SNCAIP: variants seen among roughly 807,000 people sequenced by gnomAD.
SNCAIP encodes the protein synuclein alpha interacting protein, also known as synphilin-1.
Under a neutral mutation model 86.7 loss-of-function variants are expected in SNCAIP, and 43 were observed. That is an observed-to-expected ratio of 0.50 (90% confidence interval 0.39 to 0.64). The LOEUF (loss-of-function observed/expected upper bound fraction) is 0.64. Ranked by LOEUF, SNCAIP falls within the 30% of genes least tolerant of loss-of-function variation. SNCAIP has a pLI of 0.00. For missense variants in SNCAIP, 981 were observed against 1,103.1 expected, an observed-to-expected ratio of 0.89 and a Z score of 1.57; for synonymous variants, 417 against 427.2, an observed-to-expected ratio of 0.98 and a Z score of 0.29.
chr5:122,379,989 G>A (rs1471327475), intron 1 of SNCAIP, among the ~76,000 whole-genome samples: 5 of 151,924 alleles, frequency 3.3e-5, no homozygotes, highest in South Asian at 2.1e-4. Flanking sequence ...AAGGGTATTG[G>A]TCTAAAATTC....
chr5:122,440,877 A>T, intron 7 of SNCAIP, 123 bp downstream of exon 7: 1 of 902,064 alleles, frequency 1.1e-6, no homozygotes, highest in South Asian at 1.4e-5. Flanking sequence ...CGTAGACAAT[A>T]AGGAATTATT....
chr5:122,413,862 G>A (rs1774676577), intron 3 of SNCAIP, among the ~76,000 whole-genome samples: 1 of 152,164 alleles, frequency 6.6e-6, no homozygotes, highest in Non-Finnish European at 1.5e-5. Flanking sequence ...AAAATAAAGA[G>A]GAAGAAAACC....
intron 1 of SNCAIP, among the ~76,000 whole-genome samples, chr5:122,366,085 T>C (rs1054261471): frequency 6.6e-6 from 1 of 152,148 alleles, no homozygotes; most frequent in African/African-American, 2.4e-5. Flanking sequence ...ATTCTAAATA[T>C]TTTATACAGA....
chr5:122,392,497 C>G (rs1279384579), intron 2 of SNCAIP, among the ~76,000 whole-genome samples: 2 of 152,074 alleles, frequency 1.3e-5, no homozygotes, highest in African/African-American at 4.8e-5. Context: ...ATGATCACTC[C>G]CCTCACAGCC....
Position 122,451,135 on chromosome 5 carries a change from A to T in SNCAIP, c.2288A>T (p.Tyr763Phe). 1 of 1,614,140 alleles carries T rather than the reference A, an allele frequency of 6.2e-7. No homozygotes were observed. Among genetic ancestry groups the T allele is most frequent in the Non-Finnish European group, 8.5e-7 (1 of 1,180,006 alleles). Reference protein sequence around the residue: ...ESSEPDLESQYPGSGSIPPNQ... With the variant: ...ESSEPDLESQFPGSGSIPPNQ... Reference sequence around the variant, plus strand: ...AGCGAACCAGACTTAGAATCCCAGTATCCAGGCTCAGGGAGTATTCCTCCA... The same window carrying T: ...AGCGAACCAGACTTAGAATCCCAGTTTCCAGGCTCAGGGAGTATTCCTCCA... Residue 763 changes from tyrosine to phenylalanine, a missense_variant, in exon 10 of 11, where the codon TAT (tyrosine) becomes TTT (phenylalanine). Physicochemically the swap from Tyr to Phe is conservative, Grantham distance 22 (BLOSUM62 3). Coordinates refer to ENST00000261368, the MANE Select transcript of SNCAIP (RefSeq NM_005460.4).
intron 4 of SNCAIP, 111 bp downstream of exon 4, chr5:122,423,850 TCTTTA>T: frequency 1.0e-6 from 1 of 983,856 alleles, no homozygotes; most frequent in South Asian, 1.6e-5. Context: ...TTTTACTTAA[TCTTTA>T]CTTGTGGCTT....
chr5:122,435,621 T>C (rs532548752), intron 6 of SNCAIP, among the ~76,000 whole-genome samples: 1 of 140,190 alleles, frequency 7.1e-6, no homozygotes, highest in South Asian at 2.3e-4. Context: ...TACACTGTTT[T>C]TATTATTTTC....
At chr5:122,425,749 G>A (rs1398837560) in intron 5 of SNCAIP, among the ~76,000 whole-genome samples, 1 of 152,170 alleles carries the variant, frequency 6.6e-6, no homozygotes, top group Non-Finnish European at 1.5e-5. Context: ...TAAAGAGAAA[G>A]GAAAATGATA....
intron 1 of SNCAIP, among the ~76,000 whole-genome samples, chr5:122,373,455 A>C (rs1426360740): frequency 6.6e-6 from 1 of 152,122 alleles, no homozygotes; most frequent in Non-Finnish European, 1.5e-5. Context: ...GTATTCCAAA[A>C]GCCTAGTGAC....
At chr5:122,392,298 C>A (rs17149122) in intron 2 of SNCAIP, among the ~76,000 whole-genome samples, 19,672 of 151,968 alleles carry the variant, frequency 0.13, 1,352 homozygotes, top group South Asian at 0.24. Flanking sequence ...CCTATTTCAG[C>A]TTCCAGACAA....
chr5:122,313,084 G>A (rs1246871694), intron 1 of SNCAIP, among the ~76,000 whole-genome samples: 1 of 152,264 alleles, frequency 6.6e-6, no homozygotes, highest in Non-Finnish European at 1.5e-5. Context: ...TGCTTGCAGC[G>A]AAGAAAGTCT....
chr5:122,422,088 C>G (rs917908987), intron 3 of SNCAIP, among the ~76,000 whole-genome samples: 1 of 150,750 alleles, frequency 6.6e-6, no homozygotes, highest in Non-Finnish European at 1.5e-5. Flanking sequence ...TTCCAGCCTT[C>G]TCAACAATGG....
chr5:122,380,881 T>A (rs1031545137), intron 1 of SNCAIP, among the ~76,000 whole-genome samples: 1 of 152,060 alleles, frequency 6.6e-6, no homozygotes, highest in African/African-American at 2.4e-5. Flanking sequence ...TGAGTTCTAG[T>A]TTGATTGCAC....
intron 8 of SNCAIP, among the ~76,000 whole-genome samples, chr5:122,448,349 G>A (rs964324993): frequency 1.3e-5 from 2 of 151,480 alleles, no homozygotes; most frequent in Non-Finnish European, 2.9e-5. Flanking sequence ...CAGTTCTGTG[G>A]GTCAAGCCAA....
At chr5:122,387,185 G>C (rs1367585130) in intron 1 of SNCAIP, among the ~76,000 whole-genome samples, 2 of 152,064 alleles carry the variant, frequency 1.3e-5, no homozygotes, top group East Asian at 3.9e-4. Flanking sequence ...TTGCGACGGA[G>C]TCTCGTTCTG....
chr5:122,383,190 G>A (rs553045450), intron 1 of SNCAIP, among the ~76,000 whole-genome samples: 10 of 152,314 alleles, frequency 6.6e-5, no homozygotes, highest in Admixed American at 5.2e-4. Flanking sequence ...AGCAATCAGC[G>A]AGACTCCGTG....
chr5:122,447,366 C>G (rs904543959), intron 8 of SNCAIP, among the ~76,000 whole-genome samples: 4 of 152,178 alleles, frequency 2.6e-5, no homozygotes, highest in African/African-American at 9.7e-5. Flanking sequence ...TGGCCATCTG[C>G]CCATATATTT....
At chr5:122,434,405 G>T (rs867626751) in intron 6 of SNCAIP, among the ~76,000 whole-genome samples, 4 of 152,058 alleles carry the variant, frequency 2.6e-5, no homozygotes, top group African/African-American at 7.2e-5. Flanking sequence ...CTCACAGCAG[G>T]TTTCTCATAA....
Position 122,395,998 on chromosome 5 carries a change from T to TATCTATATG in SNCAIP, c.57+4807_57+4808insATCTATATG, listed in dbSNP as rs1407888559. 1.5e-3 allele frequency among the ~76,000 whole-genome samples: 226 copies of TATCTATATG among 152,268 alleles called. 2 individuals are homozygous for TATCTATATG. The highest frequency in any genetic ancestry group is 3.4e-3 in the Middle Eastern group (1 of 294). On this transcript the variant is annotated intron_variant, in intron 2 of 10. Coordinates refer to ENST00000261368, the MANE Select transcript of SNCAIP (RefSeq NM_005460.4). Reference sequence around the variant, plus strand: ...TGTCTCTGTCTGTAAGCCCTGCCCTTCCTAGCAGTCGCCCTGTTCTTATCT... The same window carrying TATCTATATG: ...TGTCTCTGTCTGTAAGCCCTGCCCTTATCTATATGCCTAGCAGTCGCCCTGTTCTTATCT...
Sources: gnomAD v4.1 joint callset for allele counts (sites outside exome capture counted in the v4.1 genomes callset) on GRCh38, gnomAD v4.1.1 for gene constraint, MANE v1.5 for transcripts, NCBI Gene and HGNC (gene_info 2026-07-23, HGNC 2026-07-21) for gene names.